Variants in DNAH2 observed in about 807,000 individuals in gnomAD.
DNAH2 encodes axonemal beta dynein heavy chain 2.
In DNAH2, 323 loss-of-function variants were observed where a neutral mutation model predicts 523.5. The observed-to-expected ratio is 0.62, with a 90% CI of 0.56 to 0.68. DNAH2 has a LOEUF of 0.68. Ranked by LOEUF, DNAH2 falls within the 30% of genes least tolerant of loss-of-function variation. DNAH2 has a pLI of 0.00. For missense variants in DNAH2, 4,907 were observed against 5,701.5 expected (o/e 0.86, Z 4.49); for synonymous variants, 2,093 against 2,177.4 (o/e 0.96, Z 1.08).
At chr17:7,766,920 G>A (rs891372626) in intron 22 of DNAH2, among the ~76,000 whole-genome samples, 1 of 151,954 alleles carries the variant, frequency 6.6e-6, no homozygotes, top group African/African-American at 2.4e-5. Context: ...AAAGTGCTAG[G>A]ATTACAGGTG....
intron 24 of DNAH2, among the ~76,000 whole-genome samples, chr17:7,769,155 C>G (rs1567668941): frequency 1.3e-5 from 2 of 151,420 alleles, no homozygotes; most frequent in African/African-American, 4.9e-5. Context: ...AGTCTTATGT[C>G]TTTTTTTTTC....
At position 7,776,876 on chromosome 17, in the gene DNAH2, TGAA is replaced by T. The variant is rs781667932; in HGVS notation, c.5052_5054del (p.Lys1684del). On this transcript the variant is annotated inframe_deletion, in exon 32 of 86. Coordinates refer to ENST00000572933, the MANE Select transcript of DNAH2 (RefSeq NM_020877.5). ...GCAGACAAGAAAATCCTCAAGGTCA[TGAA>T]GAAGAACCAGGTGAGAGGCTGGGCG... 5.8e-5 allele frequency: 93 copies of T among 1,610,472 alleles called. No individual in the cohort carries two copies. The highest frequency in any genetic ancestry group is 7.6e-5 in the Non-Finnish European group (89 of 1,177,816).
intron 24 of DNAH2, among the ~76,000 whole-genome samples, chr17:7,769,308 CCTG>C: frequency 6.6e-6 from 1 of 152,026 alleles, no homozygotes; most frequent in East Asian, 1.9e-4. Context: ...ATTACAGGCA[CCTG>C]CCACCATGCT....
In DNAH2 at chr17:7,828,073, C is replaced by T. The variant is rs2078070277; in HGVS notation, c.11854-2227C>T. Among the ~76,000 whole-genome samples the T allele has an allele frequency of 6.6e-6, 1 of 151,926 alleles. No individual in the cohort carries two copies. Among genetic ancestry groups the T allele is most frequent in the African/African-American group, 2.4e-5 (1 of 41,262 alleles). On this transcript the variant is annotated intron_variant, in intron 77 of 85. Coordinates refer to ENST00000572933, the MANE Select transcript of DNAH2 (RefSeq NM_020877.5). This position sits in a 1 kb window ranked among gnomAD's most constrained non-coding sequence, Gnocchi z 4.1. ...CCTGCACCTCACAGGTGTGTGCCAC[C>T]ACTCTGGCTAATTTTTGTGTTTTTT... is the stretch of plus-strand genomic sequence containing the variant.
intron 2 of DNAH2, among the ~76,000 whole-genome samples, chr17:7,721,356 T>C (rs1378370450): frequency 6.6e-6 from 1 of 152,140 alleles, no homozygotes; most frequent in Non-Finnish European, 1.5e-5. Flanking sequence ...GTATTTTTAG[T>C]AGAGATGGGG....
chr17:7,792,661 C>A lies in DNAH2; in HGVS notation c.7150C>A (p.Pro2384Thr). The A allele has an allele frequency of 1.2e-6, 2 of 1,613,840 alleles. No homozygotes were observed. The highest frequency in any genetic ancestry group is 1.7e-6 in the Non-Finnish European group (2 of 1,179,902). ...CCGGCCCCTGCTCTTCCCTAGCGCC[C>A]CCTTCTATAAGATCATGGTGCCCAC... ...PKSWRYPPNA[P>T]FYKIMVPTVD... is the part of the protein sequence containing the mutation. The change falls in exon 47 of 86, where the codon CCC becomes ACC. Residue 2384 changes from proline (P) to threonine (T), a missense_variant. Physicochemically the swap from Pro to Thr is conservative, Grantham distance 38 (BLOSUM62 -1). This residue lies in a region of DNAH2 where 2,806 missense variants were observed against 3,190.8 expected (regional missense o/e 0.88). Coordinates refer to ENST00000572933, the MANE Select transcript of DNAH2 (RefSeq NM_020877.5).
chr17:7,743,356 T>G (rs2075413662), intron 12 of DNAH2: 3 of 712,960 alleles, frequency 4.2e-6, no homozygotes, highest in East Asian at 2.7e-5. Context: ...CAACTTATCT[T>G]AAAACACAAC....
rs528424000 is a variant in DNAH2 at position 7,796,393 on chromosome 17, A to G, written c.7675-71A>G. ...CCCCTTAAATTGTGCCCATGAGCCA[A>G]GCTCTTTATTGGCTTCCCCTCTGGC... On this transcript the variant is annotated intron_variant, in intron 49 of 85. Coordinates refer to ENST00000572933, the MANE Select transcript of DNAH2 (RefSeq NM_020877.5). 3.4e-4 allele frequency: 528 copies of G among 1,548,418 alleles called. 2 individuals carry two copies. The African/African-American group carries it at 6.4e-3, about 19-fold the overall frequency.
Position 7,781,069 on chromosome 17 carries a change from A to G in DNAH2, c.6031A>G (p.Asn2011Asp). Residue 2011 changes from asparagine to aspartate, a missense_variant, in exon 39 of 86, where the codon AAC becomes GAC. Coordinates refer to ENST00000572933, the MANE Select transcript of DNAH2 (RefSeq NM_020877.5). ...TCTGCTGCTCTCAATGAGAGATATGAACATCGCCAAGCTCACTTCAGTTGA... is the reference window on the plus strand; with the variant it reads ...TCTGCTGCTCTCAATGAGAGATATGGACATCGCCAAGCTCACTTCAGTTGA... ...EVLLLSMRDM[N>D]IAKLTSVDAP... 1 of 1,614,184 alleles carries G rather than the reference A, an allele frequency of 6.2e-7. No individual in the cohort carries two copies. Among genetic ancestry groups the G allele is most frequent in the Non-Finnish European group, 8.5e-7 (1 of 1,180,048 alleles).
chr17:7,757,633 C>T (rs2075882010), intron 13 of DNAH2, among the ~76,000 whole-genome samples: 1 of 152,230 alleles, frequency 6.6e-6, no homozygotes, highest in Admixed American at 6.5e-5. Flanking sequence ...TTGGTATTCT[C>T]TCTGGAGTGA....
intron 7 of DNAH2, 27 bp downstream of exon 7, chr17:7,734,735 G>T (rs747857585): frequency 6.2e-7 from 1 of 1,607,266 alleles, no homozygotes; most frequent in East Asian, 2.2e-5. Context: ...AAGGATTCAG[G>T]CTCAGCAAGA....
At chr17:7,801,061 T>A (rs1187326191) in intron 56 of DNAH2, among the ~76,000 whole-genome samples, 1 of 151,428 alleles carries the variant, frequency 6.6e-6, no homozygotes, top group Non-Finnish European at 1.5e-5. Context: ...TTTGTAGAGA[T>A]GGGGTTTCGC....
At chr17:7,763,125 G>A (rs1442092080) in intron 18 of DNAH2, among the ~76,000 whole-genome samples, 2 of 151,792 alleles carry the variant, frequency 1.3e-5, no homozygotes, top group African/African-American at 4.8e-5. Flanking sequence ...ACAGGTGCCC[G>A]CCACCACACC....
At chr17:7,762,150 T>G (rs2076022523) in intron 18 of DNAH2, among the ~76,000 whole-genome samples, 1 of 152,182 alleles carries the variant, frequency 6.6e-6, no homozygotes, top group Non-Finnish European at 1.5e-5. Context: ...TAAAGATACA[T>G]GAAGGCACTT....
At position 7,733,212 on chromosome 17, in the gene DNAH2, C is replaced by G. The variant is rs764934724; in HGVS notation, c.525C>G (p.Leu175=). 3 of 1,614,182 alleles carry G rather than the reference C, an allele frequency of 1.9e-6. No homozygotes were observed. Residue 175 remains leucine, a synonymous_variant, in exon 5 of 86, where the codon CTC becomes CTG. Transcript: ENST00000572933. ...GPYIPALLRL[L]GGVFAPQIFA... ...ATATCCCGGCCCTGCTTCGGCTGCT[C>G]GGTGGAGTCTTTGCCCCTCAGATCT... is the stretch of plus-strand genomic sequence containing the variant.
At chr17:7,809,382 C>A (rs533420798) in intron 63 of DNAH2, among the ~76,000 whole-genome samples, 1 of 152,078 alleles carries the variant, frequency 6.6e-6, no homozygotes, top group East Asian at 1.9e-4. Context: ...AGCTAAGCTG[C>A]CCACGAGGCC....
intron 74 of DNAH2, 54 bp downstream of exon 74, chr17:7,823,682 C>T (rs769585616): frequency 4.6e-5 from 74 of 1,594,588 alleles, no homozygotes; most frequent in Non-Finnish European, 6.2e-5. Context: ...CATTCAGCCA[C>T]ATGCCGGCCC....
At chr17:7,795,585 G>A (rs576436396) in intron 49 of DNAH2, among the ~76,000 whole-genome samples, 2 of 150,712 alleles carry the variant, frequency 1.3e-5, no homozygotes, top group African/African-American at 4.9e-5. Context: ...GAGGTGGGAG[G>A]ATTGCTTGAG....
Position 7,740,967 on chromosome 17 carries a change from G to A in DNAH2, c.1664G>A (p.Arg555Gln), listed in dbSNP as rs1268005537. 4 of 1,606,106 alleles carry A rather than the reference G, an allele frequency of 2.5e-6. No homozygotes were observed. Among genetic ancestry groups the A allele is most frequent in the East Asian group, 2.2e-5 (1 of 44,536 alleles). ...SGKARWVHIL[R>Q]RRIDRVMTCL... ...AAGGCGCGCTGGGTGCACATCCTCC[G>A]GCGTCGCATCGACAGAGTCATGACC... Residue 555 changes from arginine (R) to glutamine (Q), a missense_variant, in exon 11 of 86, where the codon CGG becomes CAG. Coordinates refer to ENST00000572933, the MANE Select transcript of DNAH2 (RefSeq NM_020877.5).
Sources: gnomAD v4.1 joint callset for allele counts (sites outside exome capture counted in the v4.1 genomes callset) on GRCh38, gnomAD v4.1.1 for gene constraint, gnomAD v4.1.1 regional missense constraint, Gnocchi (gnomAD v3.1) non-coding constraint, MANE v1.5 for transcripts, NCBI Gene and HGNC (gene_info 2026-07-23, HGNC 2026-07-21) for gene names.